UBE2G1: variants seen among roughly 807,000 people sequenced by gnomAD.
UBE2G1 encodes the protein ubiquitin-conjugating enzyme E2 G1.
In UBE2G1, 5 loss-of-function variants were observed where a neutral mutation model predicts 22.7. The observed-to-expected ratio is 0.22, with a 90% CI of 0.12 to 0.46. The LOEUF (loss-of-function observed/expected upper bound fraction) is 0.46, where lower values mean the gene tolerates loss of function less well. Among genes scored for constraint, UBE2G1 ranks in the 20% least tolerant of loss-of-function variants. The probability of loss-of-function intolerance (pLI) is 0.99; values close to 1 mark genes in which losing one functional copy is unlikely to be tolerated. For missense variants in UBE2G1, 88 were observed against 203.9 expected (o/e 0.43, Z 3.46); for synonymous variants, 74 against 67.5 (o/e 1.10, Z -0.47).
chr17:4,347,135 C>A (rs1969786744), intron 1 of UBE2G1, among the ~76,000 whole-genome samples: 3 of 152,034 alleles, frequency 2.0e-5, no homozygotes, highest in Admixed American at 2.0e-4. Context: ...CCCTGGGCAA[C>A]AGAGTTACTC....
chr17:4,361,239 A>G (rs1423290205), intron 1 of UBE2G1, among the ~76,000 whole-genome samples: 1 of 151,240 alleles, frequency 6.6e-6, no homozygotes, highest in Non-Finnish European at 1.5e-5. Context: ...AAAAAAATGC[A>G]ATAGAGGCCA....
At position 4,272,514 on chromosome 17, in the gene UBE2G1, G is replaced by A. The variant is rs1458769481; in HGVS notation, c.*40C>T. 1.6e-5 allele frequency: 3 copies of A among 186,578 alleles called. No individual in the cohort carries two copies. Among genetic ancestry groups the A allele is most frequent in the African/African-American group, 7.2e-5 (3 of 41,550 alleles). 11.6% of individuals were successfully genotyped at this position (186,578 alleles called of 1,614,324 possible). A position where few individuals can be genotyped will look rare whatever the true frequency, so the allele number is the denominator to read the frequency against. On this transcript the variant is annotated splice_region_variant and 3_prime_UTR_variant, in exon 6 of 6. Transcript: ENST00000396981. ...AACAGTGCCATGTTTCTCAATTGGA[G>A]ACCTACAACAACAAAAACAACATTA...
intron 2 of UBE2G1, chr17:4,302,781 A>C (rs909088365): frequency 1.1e-5 from 2 of 183,440 alleles, no homozygotes; most frequent in Non-Finnish European, 2.3e-5. Context: ...TTTAGAGTTT[A>C]GTCATGAGAA....
chr17:4,343,261 T>C (rs1401585745), intron 1 of UBE2G1, among the ~76,000 whole-genome samples: 1 of 152,186 alleles, frequency 6.6e-6, no homozygotes, highest in Non-Finnish European at 1.5e-5. Context: ...AATTTTTACA[T>C]GATCCTATGG....
intron 1 of UBE2G1, among the ~76,000 whole-genome samples, chr17:4,328,622 T>C (rs1171918280): frequency 6.6e-6 from 1 of 152,236 alleles, no homozygotes; most frequent in Admixed American, 6.5e-5. Context: ...AGTTTATCTG[T>C]GTGAGGTACC....
chr17:4,349,061 G>T (rs546308989), intron 1 of UBE2G1, among the ~76,000 whole-genome samples: 1 of 151,772 alleles, frequency 6.6e-6, no homozygotes, highest in Non-Finnish European at 1.5e-5. Flanking sequence ...GGTGGCTCAC[G>T]CCTGTAATCT....
rs905858721 is a variant in UBE2G1, at chr17:4,274,646, G to C, written c.*38-2130C>G. Among the ~76,000 whole-genome samples, 7 of 152,172 alleles carry C rather than the reference G, an allele frequency of 4.6e-5. No individual in the cohort carries two copies. The South Asian group carries it at 6.2e-4, about 14-fold the overall frequency. On this transcript the variant is annotated intron_variant, in intron 5 of 5. Transcript: ENST00000396981. ...TTCCAAAAGACATGTACCAATCAATGTAAATGGCCCTTAGCAAAGCATGAA... is the reference window on the plus strand; with the variant it reads ...TTCCAAAAGACATGTACCAATCAATCTAAATGGCCCTTAGCAAAGCATGAA...
At chr17:4,314,132 A>G (rs1209537883) in intron 1 of UBE2G1, among the ~76,000 whole-genome samples, 2 of 152,236 alleles carry the variant, frequency 1.3e-5, no homozygotes, top group Non-Finnish European at 2.9e-5. Flanking sequence ...AGAAAAAATG[A>G]ACAGCCCAGT....
chr17:4,314,672 AATCCAGGC>A (rs1259562127), intron 1 of UBE2G1, among the ~76,000 whole-genome samples: 2 of 152,236 alleles, frequency 1.3e-5, no homozygotes, highest in East Asian at 3.8e-4. Flanking sequence ...TTTATCATTT[AATCCAGGC>A]ATTTTAAAAG....
intron 2 of UBE2G1, among the ~76,000 whole-genome samples, chr17:4,303,555 C>T: frequency 7.1e-6 from 1 of 141,204 alleles, no homozygotes. Flanking sequence ...TAACCAAAGG[C>T]AGTCCCCAAA....
At chr17:4,308,132 C>T (rs1969268078) in intron 1 of UBE2G1, among the ~76,000 whole-genome samples, 1 of 152,076 alleles carries the variant, frequency 6.6e-6, no homozygotes, top group African/African-American at 2.4e-5. Context: ...GGCAGGTGGA[C>T]CACCTGAGGT....
At chr17:4,355,547 C>T (rs1249288051) in intron 1 of UBE2G1, among the ~76,000 whole-genome samples, 1 of 145,482 alleles carries the variant, frequency 6.9e-6, no homozygotes, top group Non-Finnish European at 1.5e-5. Flanking sequence ...GAGGCTGAGG[C>T]GGGAGAATCG....
At chr17:4,287,175 C>A (rs1968974981) in intron 4 of UBE2G1, among the ~76,000 whole-genome samples, 1 of 150,076 alleles carries the variant, frequency 6.7e-6, no homozygotes, top group South Asian at 2.1e-4. Flanking sequence ...GCAATCTGGG[C>A]TCACTGCAAG....
intron 1 of UBE2G1, among the ~76,000 whole-genome samples, chr17:4,329,354 G>A (rs999729993): frequency 4.6e-5 from 7 of 151,650 alleles, no homozygotes; most frequent in Admixed American, 1.3e-4. Context: ...AGCAGAGATC[G>A]CACCATTGCA....
chr17:4,334,333 A>G (rs1037082126), intron 1 of UBE2G1, among the ~76,000 whole-genome samples: 5 of 152,222 alleles, frequency 3.3e-5, no homozygotes, highest in African/African-American at 1.2e-4. Context: ...AAAAAAACAC[A>G]TGGCAAAATC....
chr17:4,290,908 G>A (rs777856734), intron 3 of UBE2G1, among the ~76,000 whole-genome samples: 3 of 151,906 alleles, frequency 2.0e-5, no homozygotes, highest in Non-Finnish European at 4.4e-5. Flanking sequence ...CTGCATGCCA[G>A]GCACACATCT....
intron 1 of UBE2G1, among the ~76,000 whole-genome samples, chr17:4,349,046 G>A (rs1969813908): frequency 6.6e-6 from 1 of 152,000 alleles, no homozygotes; most frequent in Non-Finnish European, 1.5e-5. Context: ...AATTAGGCTG[G>A]GCGAGGTGGC....
At chr17:4,312,691 A>G (rs1465411590) in intron 1 of UBE2G1, among the ~76,000 whole-genome samples, 25 of 83,206 alleles carry the variant, frequency 3.0e-4, no homozygotes, top group South Asian at 1.1e-3. Flanking sequence ...GCAAGACTCC[A>G]TCTCAAAAAA....
At chr17:4,325,925 T>C (rs1969500162) in intron 1 of UBE2G1, among the ~76,000 whole-genome samples, 1 of 152,080 alleles carries the variant, frequency 6.6e-6, no homozygotes, top group Non-Finnish European at 1.5e-5. Context: ...AGCAAAAGAA[T>C]GAAGGTGGAT....
Sources: gnomAD v4.1 joint callset for allele counts (sites outside exome capture counted in the v4.1 genomes callset) on GRCh38, gnomAD v4.1.1 for gene constraint, MANE v1.5 for transcripts, NCBI Gene and HGNC (gene_info 2026-07-23, HGNC 2026-07-21) for gene names.